The following CACNB2 variants were observed in gnomAD, a reference collection of about 807,000 sequenced individuals.
CACNB2 encodes calcium voltage-gated channel auxiliary subunit beta 2, also known as voltage-dependent L-type calcium channel subunit beta-2.
In CACNB2, 42 loss-of-function variants were observed where a neutral mutation model predicts 73.3. The observed-to-expected ratio is 0.57, with a 90% CI of 0.45 to 0.74. CACNB2 has a LOEUF of 0.74. Among genes scored for constraint, CACNB2 ranks in the 30% least tolerant of loss-of-function variants. The pLI is 0.00. For missense variants in CACNB2, 940 were observed against 853.0 expected, an observed-to-expected ratio of 1.10 and a Z score of -1.27; for synonymous variants, 348 against 310.3, an observed-to-expected ratio of 1.12 and a Z score of -1.28.
In CACNB2 at chr10:18,140,840, T is replaced by C. The variant is rs373263114; in HGVS notation, c.104T>C (p.Leu35Pro). Residue 35 changes from leucine to proline, a missense_variant, in exon 1 of 14, where the codon CTC (leucine) becomes CCC (proline). Coordinates refer to ENST00000324631, the MANE Select transcript of CACNB2 (RefSeq NM_201596.3). The stretch of plus-strand genomic sequence containing the variant: ...GAGAACGTGGCTCCCGCGGGGGCGC[T>C]CGGAGCCGCCGCACAGGTAGCGAGA... ...LLENVAPAGALGAAAQSYGKG... is the reference protein window; with the variant it reads ...LLENVAPAGAPGAAAQSYGKG... 1.1e-4 allele frequency: 183 copies of C among 1,602,182 alleles called. 1 individual carries two copies. The highest frequency in any genetic ancestry group is 1.4e-4 in the Non-Finnish European group (170 of 1,176,246).
intron 2 of CACNB2, among the ~76,000 whole-genome samples, chr10:18,193,564 C>A (rs1314067572): frequency 6.6e-6 from 1 of 152,162 alleles, no homozygotes; most frequent in Non-Finnish European, 1.5e-5. Flanking sequence ...GCAGTACTCC[C>A]TTCTGGAACC....
chr10:18,191,243 T>A (rs1389030267), intron 2 of CACNB2, among the ~76,000 whole-genome samples: 1 of 152,220 alleles, frequency 6.6e-6, no homozygotes, highest in African/African-American at 2.4e-5. Flanking sequence ...GCCATTCCTA[T>A]CTATATTTTA....
chr10:18,384,519 A>T (rs1352329272), intron 2 of CACNB2, among the ~76,000 whole-genome samples: 1 of 151,942 alleles, frequency 6.6e-6, no homozygotes, highest in Non-Finnish European at 1.5e-5. Flanking sequence ...TGAGCTCAGG[A>T]CTTCGAGACT....
chr10:18,177,774 T>C (rs1014782807), intron 2 of CACNB2, among the ~76,000 whole-genome samples: 1 of 152,176 alleles, frequency 6.6e-6, no homozygotes, highest in African/African-American at 2.4e-5. Flanking sequence ...CTTGCTTGGT[T>C]AATCTACATT....
At chr10:18,257,832 C>T (rs751737987) in intron 2 of CACNB2, among the ~76,000 whole-genome samples, 1 of 152,178 alleles carries the variant, frequency 6.6e-6, no homozygotes, top group Admixed American at 6.5e-5. Flanking sequence ...CAACCTCTGC[C>T]TCTCAGGTTC....
intron 2 of CACNB2, among the ~76,000 whole-genome samples, chr10:18,351,771 A>G (rs1185001139): frequency 6.6e-6 from 1 of 152,216 alleles, no homozygotes; most frequent in East Asian, 1.9e-4. Flanking sequence ...ATAATTTAAG[A>G]TTCTTTGGTT....
chr10:18,519,855 G>A (rs573723797), intron 9 of CACNB2: 1 of 403,954 alleles, frequency 2.5e-6, no homozygotes, highest in East Asian at 7.3e-5. Flanking sequence ...CTAAATCCAG[G>A]GATAAATTTT....
intron 3 of CACNB2, among the ~76,000 whole-genome samples, chr10:18,432,448 CTCTGTG>C (rs2045932426): frequency 4.1e-5 from 2 of 48,634 alleles, no homozygotes; most frequent in South Asian, 8.0e-4. Context: ...ATGTGTGTGT[CTCTGTG>C]TGTGTGTGTG....
chr10:18,494,673 G>C lies in CACNB2; in HGVS notation c.334-3682G>C, dbSNP rs554423138. On this transcript the variant is annotated intron_variant, in intron 3 of 13. Transcript: ENST00000324631. ...AAGAAAAGAAAAGAAACATCTGAAAGATGTGAAAGACCATGCTACAATTTT... is the reference window on the plus strand; with the variant it reads ...AAGAAAAGAAAAGAAACATCTGAAACATGTGAAAGACCATGCTACAATTTT... 2.7e-5 allele frequency among the ~76,000 whole-genome samples: 4 copies of C among 148,518 alleles called. No homozygotes were observed. The East Asian group carries it at 7.9e-4, about 29-fold the overall frequency.
intron 3 of CACNB2, among the ~76,000 whole-genome samples, chr10:18,484,345 G>C (rs549152568): frequency 4.8e-4 from 73 of 151,416 alleles, no homozygotes; most frequent in African/African-American, 1.7e-3. Flanking sequence ...AGTGACCTGA[G>C]ATCACGCCAC....
chr10:18,198,713 A>G (rs533005755), intron 2 of CACNB2, among the ~76,000 whole-genome samples: 4 of 152,158 alleles, frequency 2.6e-5, no homozygotes, highest in East Asian at 1.9e-4. Flanking sequence ...CTGATAATGT[A>G]TGCCCACACT....
At position 18,539,864 on chromosome 10, in the gene CACNB2, G is replaced by T; in HGVS notation, c.*140G>T. 1 of 887,050 alleles carries T rather than the reference G, an allele frequency of 1.1e-6. No homozygotes were observed. The highest frequency in any genetic ancestry group is 1.7e-5 in the South Asian group (1 of 58,472). 54.9% of individuals were successfully genotyped at this position (887,050 alleles called of 1,614,324 possible). On this transcript the variant is annotated 3_prime_UTR_variant, in exon 14 of 14. Coordinates refer to ENST00000324631, the MANE Select transcript of CACNB2 (RefSeq NM_201596.3). ...ATATTTTGTATTATTGCTGTTGCTT[G>T]AATAGCAATAGCATGGATAGAGTAT...
intron 2 of CACNB2, among the ~76,000 whole-genome samples, chr10:18,255,285 C>T (rs750859522): frequency 2.7e-4 from 41 of 152,150 alleles, no homozygotes; most frequent in Non-Finnish European, 4.6e-4. Flanking sequence ...TGGGCCTTCT[C>T]CCTTCTACCA....
At chr10:18,382,154 G>T (rs946629938) in intron 2 of CACNB2, among the ~76,000 whole-genome samples, 3 of 151,826 alleles carry the variant, frequency 2.0e-5, no homozygotes, top group African/African-American at 7.3e-5. Context: ...CTTAAATATA[G>T]CAAAATTACA....
At chr10:18,473,941 C>A (rs2048314970) in intron 3 of CACNB2, among the ~76,000 whole-genome samples, 1 of 152,170 alleles carries the variant, frequency 6.6e-6, no homozygotes, top group Admixed American at 6.5e-5. Context: ...CGCCACGCTG[C>A]TCTCTGTGAC....
At chr10:18,257,545 G>A (rs2357927) in intron 2 of CACNB2, among the ~76,000 whole-genome samples, 113,910 of 152,192 alleles carry the variant, frequency 0.75, 42,911 homozygotes, top group East Asian at 0.97. Flanking sequence ...TGTATGTTCT[G>A]TATGTAACCT....
At chr10:18,225,401 A>G (rs753010855) in intron 2 of CACNB2, among the ~76,000 whole-genome samples, 3 of 152,138 alleles carry the variant, frequency 2.0e-5, no homozygotes, top group Non-Finnish European at 4.4e-5. Flanking sequence ...TAGATGCCCC[A>G]TTTTACAATG....
intron 7 of CACNB2, among the ~76,000 whole-genome samples, chr10:18,515,998 T>C (rs2051238480): frequency 6.6e-6 from 1 of 152,076 alleles, no homozygotes; most frequent in Non-Finnish European, 1.5e-5. Context: ...GCATCACCTG[T>C]GGTCAGGAGT....
At chr10:18,349,979 C>T (rs1449536757) in intron 2 of CACNB2, among the ~76,000 whole-genome samples, 1 of 152,188 alleles carries the variant, frequency 6.6e-6, no homozygotes, top group South Asian at 2.1e-4. Flanking sequence ...TGCGGTGGCT[C>T]ATGCCTGTAA....
Sources: gnomAD v4.1 joint callset for allele counts (sites outside exome capture counted in the v4.1 genomes callset) on GRCh38, gnomAD v4.1.1 for gene constraint, MANE v1.5 for transcripts, NCBI Gene and HGNC (gene_info 2026-07-23, HGNC 2026-07-21) for gene names.